The following PDGFC variants were observed in gnomAD, a reference collection of about 807,000 sequenced individuals.
The protein encoded by PDGFC is platelet-derived growth factor C.
PDGFC carries 12 observed loss-of-function variants against 35.5 expected under a neutral mutation model. That is an observed-to-expected ratio of 0.34 (90% CI 0.22 to 0.55). The LOEUF is 0.55. PDGFC is among the 20% of genes least tolerant of loss of function. The pLI is 0.91. For missense variants in PDGFC, 322 were observed against 412.4 expected (o/e 0.78, Z 1.90); for synonymous variants, 159 against 148.8 (o/e 1.07, Z -0.50).
rs1445692394 is a variant in PDGFC at position 156,827,261 on chromosome 4, C to CA, written c.315-16245dup. ...TGAAACCTCGTCTCTACTAAAAATA[C>CA]AAAAAATTAGCCGGGTGTGGTGGCG... On this transcript the variant is annotated intron_variant, in intron 2 of 5. Transcript: ENST00000502773. Among the ~76,000 whole-genome samples, 10 of 151,900 alleles carry CA rather than the reference C, an allele frequency of 6.6e-5. No homozygotes were observed. In the South Asian group the frequency reaches 8.3e-4, roughly 13 times the overall value.
At chr4:156,816,761 C>T (rs967809582) in intron 2 of PDGFC, among the ~76,000 whole-genome samples, 20 of 152,046 alleles carry the variant, frequency 1.3e-4, no homozygotes, top group Admixed American at 3.9e-4. Flanking sequence ...TAAAATATGC[C>T]TATATAATTA....
intron 1 of PDGFC, among the ~76,000 whole-genome samples, chr4:156,867,532 C>T (rs940343078): frequency 5.3e-5 from 8 of 152,162 alleles, no homozygotes; most frequent in African/African-American, 1.9e-4. Context: ...GTTAACATCA[C>T]CAAAGCCAAG....
At chr4:156,829,960 C>T (rs1247146924) in intron 2 of PDGFC, among the ~76,000 whole-genome samples, 1 of 151,840 alleles carries the variant, frequency 6.6e-6, no homozygotes, top group Admixed American at 6.6e-5. Context: ...GAGAACCTTC[C>T]CACTAGTACT....
At chr4:156,918,523 G>T (rs987621082) in intron 1 of PDGFC, among the ~76,000 whole-genome samples, 1 of 152,204 alleles carries the variant, frequency 6.6e-6, no homozygotes, top group East Asian at 1.9e-4. Flanking sequence ...AGCAGGAGGT[G>T]AGCAGCAGGC....
At chr4:156,766,897 T>A (rs1730553031) in intron 5 of PDGFC, among the ~76,000 whole-genome samples, 1 of 152,140 alleles carries the variant, frequency 6.6e-6, no homozygotes, top group Non-Finnish European at 1.5e-5. Flanking sequence ...TTCACTGAAA[T>A]CTTGATGCAT....
chr4:156,960,256 A>T (rs988188665), intron 1 of PDGFC, among the ~76,000 whole-genome samples: 2 of 147,018 alleles, frequency 1.4e-5, no homozygotes, highest in African/African-American at 2.5e-5. Context: ...TAACTGTTAT[A>T]TATATATATA....
chr4:156,929,372 T>C (rs750313038), intron 1 of PDGFC, among the ~76,000 whole-genome samples: 1 of 151,226 alleles, frequency 6.6e-6, no homozygotes, highest in Admixed American at 6.6e-5. Flanking sequence ...AGATATTAGT[T>C]GGGAAGAAAA....
At chr4:156,842,416 C>A (rs1049942537) in intron 2 of PDGFC, among the ~76,000 whole-genome samples, 2 of 151,512 alleles carry the variant, frequency 1.3e-5, no homozygotes, top group African/African-American at 4.9e-5. Context: ...AAAATATATA[C>A]CTCTAAAGTT....
chr4:156,797,674 C>T (rs1230635673), intron 3 of PDGFC, among the ~76,000 whole-genome samples: 2 of 152,054 alleles, frequency 1.3e-5, no homozygotes, highest in Non-Finnish European at 2.9e-5. Context: ...AGGAAGTTTC[C>T]AAGTTTGTGT....
intron 1 of PDGFC, among the ~76,000 whole-genome samples, chr4:156,856,644 C>G (rs1320398728): frequency 6.6e-6 from 1 of 152,132 alleles, no homozygotes; most frequent in Non-Finnish European, 1.5e-5. Context: ...TGGCACATGG[C>G]AGCACCTAAT....
intron 1 of PDGFC, 28 bp downstream of exon 1, chr4:156,970,758 G>T: frequency 1.5e-6 from 2 of 1,348,262 alleles, no homozygotes; most frequent in Non-Finnish European, 2.1e-6. Flanking sequence ...CGAGAAACAA[G>T]CAGGGGGAGA....
chr4:156,839,320 G>A (rs1560835222), intron 2 of PDGFC, among the ~76,000 whole-genome samples: 1 of 152,174 alleles, frequency 6.6e-6, no homozygotes, highest in African/African-American at 2.4e-5. Flanking sequence ...TCTTGTGATA[G>A]TGAGTTCTCA....
At chr4:156,830,920 G>T (rs1728916008) in intron 2 of PDGFC, among the ~76,000 whole-genome samples, 1 of 152,128 alleles carries the variant, frequency 6.6e-6, no homozygotes, top group Admixed American at 6.6e-5. Context: ...TATAGGCAGA[G>T]ATTGCAATGT....
At chr4:156,966,639 A>C (rs1732473225) in intron 1 of PDGFC, among the ~76,000 whole-genome samples, 1 of 152,182 alleles carries the variant, frequency 6.6e-6, no homozygotes, top group Non-Finnish European at 1.5e-5. Context: ...TTAAGAAATA[A>C]GTTTCAGGAA....
intron 1 of PDGFC, among the ~76,000 whole-genome samples, chr4:156,908,254 A>T (rs756865244): frequency 6.6e-5 from 10 of 152,302 alleles, no homozygotes; most frequent in Middle Eastern, 3.4e-3. Flanking sequence ...TTAATAGATC[A>T]ATAATAAAAT....
intron 1 of PDGFC, among the ~76,000 whole-genome samples, chr4:156,861,996 TC>T (rs954267377): frequency 6.6e-6 from 1 of 152,154 alleles, no homozygotes; most frequent in Non-Finnish European, 1.5e-5. Flanking sequence ...TTTGTAGTCC[TC>T]CCGATGGTGA....
rs1181681044 is a variant in PDGFC at position 156,815,880 on chromosome 4, A to AT, written c.315-4864_315-4863insA. The stretch of plus-strand genomic sequence containing the variant: ...CTCATGGCAACATGATACAGAGCAT[A>AT]CAGGGCTAAGTGGTTTATAATGATC... On this transcript the variant is annotated intron_variant, in intron 2 of 5. Coordinates refer to ENST00000502773, the MANE Select transcript of PDGFC (RefSeq NM_016205.3). 3.3e-5 allele frequency among the ~76,000 whole-genome samples: 5 copies of AT among 152,290 alleles called. No individual in the cohort carries two copies. The East Asian group carries it at 9.6e-4, about 29-fold the overall frequency.
intron 1 of PDGFC, among the ~76,000 whole-genome samples, chr4:156,939,513 C>T (rs1731758823): frequency 6.6e-6 from 1 of 151,990 alleles, no homozygotes; most frequent in African/African-American, 2.4e-5. Flanking sequence ...TGAGTCTATA[C>T]AAATCTTATA....
chr4:156,845,679 A>G (rs1000429220), intron 2 of PDGFC, among the ~76,000 whole-genome samples: 4 of 151,862 alleles, frequency 2.6e-5, no homozygotes, highest in African/African-American at 2.4e-5. Context: ...CTCCATTTGC[A>G]CATTTATTTC....
Sources: gnomAD v4.1 joint callset for allele counts (sites outside exome capture counted in the v4.1 genomes callset) on GRCh38, gnomAD v4.1.1 for gene constraint, MANE v1.5 for transcripts, NCBI Gene and HGNC (gene_info 2026-07-23, HGNC 2026-07-21) for gene names.